Variants in WIPF3 observed in about 807,000 individuals in gnomAD.
WIPF3 encodes WAS/WASL interacting protein family member 3.
A neutral mutation model predicts 38.9 loss-of-function variants in WIPF3; 33 were observed. The observed-to-expected ratio is 0.85, with a 90% CI of 0.64 to 1.14. The LOEUF (loss-of-function observed/expected upper bound fraction) is 1.14, where lower values mean the gene tolerates loss of function less well. Ranked by LOEUF, WIPF3 falls within the 50% of genes most tolerant of loss-of-function variation. The pLI is 0.00. For synonymous variants in WIPF3, 324 were observed against 269.3 expected (o/e 1.20, Z -1.99); for missense variants, 711 against 652.5 (o/e 1.09, Z -0.98).
intron 8 of WIPF3, chr7:29,905,309 A>G (rs962452439): frequency 1.2e-4 from 19 of 152,266 alleles, no homozygotes; most frequent in African/African-American, 4.1e-4. Context: ...GTATATATAC[A>G]CAGGAAAAAA....
At position 29,878,862 on chromosome 7, in the gene WIPF3, G is replaced by A. The variant is rs1014439740; in HGVS notation, c.224-147G>A. The A allele has an allele frequency of 6.8e-5, 61 of 902,312 alleles. No homozygotes were observed. The highest frequency in any genetic ancestry group is 9.5e-5 in the Non-Finnish European group (57 of 602,618). The allele number at this position is 902,312 out of a possible 1,614,324, so 55.9% of individuals were successfully genotyped here. A position where few individuals can be genotyped will look rare whatever the true frequency, so the allele number is the denominator to read the frequency against. On this transcript the variant is annotated intron_variant, in intron 3 of 8. Coordinates refer to ENST00000242140, the MANE Select transcript of WIPF3 (RefSeq NM_001080529.3). The surrounding 1 kb of genome is among the most constrained non-coding windows in gnomAD (Gnocchi z 4.0). ...AAGGCAGAGGGTGCTTGGGGAGGAT[G>A]CTGAGTGAAAGGATGACATTGGAGG...
chr7:29,881,444 G>A (rs1036254140), intron 4 of WIPF3, among the ~76,000 whole-genome samples: 9 of 152,114 alleles, frequency 5.9e-5, no homozygotes, highest in African/African-American at 2.2e-4. Context: ...ACAGTGTCAT[G>A]GGCTCATGGT....
Position 29,879,003 on chromosome 7 carries a change from C to A in WIPF3, c.224-6C>A. 6.3e-7 allele frequency: 1 copy of A among 1,591,166 alleles called. No homozygotes were observed. Among genetic ancestry groups the A allele is most frequent in the Non-Finnish European group, 8.6e-7 (1 of 1,166,654 alleles). On this transcript the variant is annotated splice_polypyrimidine_tract_variant and splice_region_variant and intron_variant, in intron 3 of 8. Transcript: ENST00000242140. ...GTCCTTGCCTATTTGTGTCTTCTCT[C>A]TAAAGGTTCTAAAGGAACCAACAAA... is the stretch of plus-strand genomic sequence containing the variant.
chr7:29,833,671 T>G (rs910335703), intron 1 of WIPF3, among the ~76,000 whole-genome samples: 13 of 152,178 alleles, frequency 8.5e-5, no homozygotes, highest in Non-Finnish European at 1.2e-4. Flanking sequence ...TGCCACAGGA[T>G]TTTAAAGATG....
intron 2 of WIPF3, among the ~76,000 whole-genome samples, chr7:29,851,646 G>A (rs773708640): frequency 5.3e-5 from 8 of 152,208 alleles, no homozygotes; most frequent in Admixed American, 6.5e-5. Context: ...ACTTTATGAC[G>A]TTCAATGTCG....
At chr7:29,831,670 A>T (rs1784724583) in intron 1 of WIPF3, among the ~76,000 whole-genome samples, 1 of 152,252 alleles carries the variant, frequency 6.6e-6, no homozygotes, top group Admixed American at 6.5e-5. Flanking sequence ...ACATATGTAA[A>T]GTCTAATCAG....
At chr7:29,902,470 A>C (rs1786307596) in intron 7 of WIPF3, among the ~76,000 whole-genome samples, 1 of 152,024 alleles carries the variant, frequency 6.6e-6, no homozygotes, top group African/African-American at 2.4e-5. Context: ...CCAATTTAAA[A>C]AATTGTACCT....
At chr7:29,839,747 T>G (rs1232039723) in intron 2 of WIPF3, among the ~76,000 whole-genome samples, 1 of 152,192 alleles carries the variant, frequency 6.6e-6, no homozygotes, top group Non-Finnish European at 1.5e-5. Flanking sequence ...TTGTGACACA[T>G]GAAAAGTATA....
chr7:29,833,822 A>G (rs1365829491), intron 1 of WIPF3, among the ~76,000 whole-genome samples: 1 of 152,158 alleles, frequency 6.6e-6, no homozygotes, highest in Non-Finnish European at 1.5e-5. Context: ...GGTTTTTCCA[A>G]TTCTTATAAA....
chr7:29,875,679 C>A, intron 2 of WIPF3, 151 bp from the exon 3 acceptor site: 1 of 1,032,592 alleles, frequency 9.7e-7, no homozygotes, highest in Non-Finnish European at 1.4e-6. Context: ...GAGCAGGACC[C>A]AAAAGTGTCT....
At chr7:29,912,941 G>T (rs1262281784) in intron 8 of WIPF3, among the ~76,000 whole-genome samples, 1 of 152,196 alleles carries the variant, frequency 6.6e-6, no homozygotes, top group Non-Finnish European at 1.5e-5. Context: ...ATTGTTTAAT[G>T]GGTACAGTCT....
chr7:29,892,832 G>A (rs1196125779), intron 7 of WIPF3, among the ~76,000 whole-genome samples: 1 of 152,176 alleles, frequency 6.6e-6, no homozygotes, highest in Non-Finnish European at 1.5e-5. Context: ...CTGGGAGGCT[G>A]AGGCAGGCAG....
intron 2 of WIPF3, 125 bp from the exon 3 acceptor site, chr7:29,875,705 T>A: frequency 7.7e-7 from 1 of 1,307,158 alleles, no homozygotes; most frequent in Non-Finnish European, 1.1e-6. Context: ...ATAGGTAATC[T>A]GAGATCAGCC....
chr7:29,814,297 G>T, intron 1 of WIPF3, among the ~76,000 whole-genome samples: 1 of 151,280 alleles, frequency 6.6e-6, no homozygotes. Flanking sequence ...TTCCTTTTCT[G>T]CCTTCTACAA....
chr7:29,816,315 TATC>T (rs539772984), intron 1 of WIPF3, among the ~76,000 whole-genome samples: 101 of 151,632 alleles, frequency 6.7e-4, no homozygotes, highest in Non-Finnish European at 1.2e-3. Context: ...TTATTATTAT[TATC>T]ATCATCATCA....
chr7:29,879,203 G>C, intron 4 of WIPF3, 63 bp downstream of exon 4: 1 of 1,565,606 alleles, frequency 6.4e-7, no homozygotes, highest in Non-Finnish European at 8.7e-7. Context: ...GGAACCATCT[G>C]GGCAATCCAC....
At chr7:29,826,358 AC>A (rs1453675524) in intron 1 of WIPF3, among the ~76,000 whole-genome samples, 1 of 152,026 alleles carries the variant, frequency 6.6e-6, no homozygotes, top group African/African-American at 2.4e-5. Context: ...CCAGGCCCCA[AC>A]TCCGACCTAC....
chr7:29,830,452 T>C (rs975243699), intron 1 of WIPF3, among the ~76,000 whole-genome samples: 1 of 151,980 alleles, frequency 6.6e-6, no homozygotes, highest in Admixed American at 6.6e-5. Context: ...AAACTCCATC[T>C]ATACTAAAAA....
intron 1 of WIPF3, among the ~76,000 whole-genome samples, chr7:29,825,880 T>G (rs1316642515): frequency 4.6e-5 from 7 of 152,202 alleles, no homozygotes. Flanking sequence ...AGCAGATAAT[T>G]AACTTTAATA....
Sources: gnomAD v4.1 joint callset for allele counts (sites outside exome capture counted in the v4.1 genomes callset) on GRCh38, gnomAD v4.1.1 for gene constraint, Gnocchi (gnomAD v3.1) non-coding constraint, MANE v1.5 for transcripts, NCBI Gene and HGNC (gene_info 2026-07-23, HGNC 2026-07-21) for gene names.